The following CNTN3 variants were observed in gnomAD, a reference collection of about 807,000 sequenced individuals.
The protein encoded by CNTN3 is contactin 3.
CNTN3 carries 60 observed loss-of-function variants against 119.1 expected under a neutral mutation model. The observed-to-expected ratio is 0.50, with a 90% CI of 0.41 to 0.62. CNTN3 has a LOEUF of 0.62. Among genes scored for constraint, CNTN3 ranks in the 20% least tolerant of loss-of-function variants. CNTN3 has a pLI of 0.00. For synonymous variants in CNTN3, 450 were observed against 438.7 expected (o/e 1.03, Z -0.32); for missense variants, 1,101 against 1,242.4 (o/e 0.89, Z 1.71).
chr3:74,341,980 A>G (rs1703559601), intron 11 of CNTN3, among the ~76,000 whole-genome samples: 1 of 152,136 alleles, frequency 6.6e-6, no homozygotes, highest in African/African-American at 2.4e-5. Flanking sequence ...TTGCAATCAC[A>G]TGAGATCGTA....
At chr3:74,534,263 C>T (rs1249343732) in intron 1 of CNTN3, among the ~76,000 whole-genome samples, 1 of 151,882 alleles carries the variant, frequency 6.6e-6, no homozygotes, top group African/African-American at 2.4e-5. Context: ...CCCCTTATGC[C>T]CATCACCCAA....
chr3:74,291,385 G>A (rs1702227173), intron 19 of CNTN3, among the ~76,000 whole-genome samples: 1 of 152,168 alleles, frequency 6.6e-6, no homozygotes, highest in Admixed American at 6.5e-5. Flanking sequence ...CTTTATAGCA[G>A]CATAACTTGT....
intron 19 of CNTN3, among the ~76,000 whole-genome samples, chr3:74,292,462 AG>A (rs1254256031): frequency 6.6e-6 from 1 of 152,152 alleles, no homozygotes; most frequent in East Asian, 1.9e-4. Context: ...GCTACTAGAG[AG>A]GCTGAGGCAG....
At chr3:74,473,612 T>C (rs1314827361) in intron 4 of CNTN3, among the ~76,000 whole-genome samples, 5 of 152,210 alleles carry the variant, frequency 3.3e-5, no homozygotes, top group African/African-American at 1.2e-4. Context: ...ACTGCCAGTT[T>C]GTAGGAATGT....
At chr3:74,536,440 T>A (rs1202604088) in intron 1 of CNTN3, among the ~76,000 whole-genome samples, 2 of 152,104 alleles carry the variant, frequency 1.3e-5, no homozygotes, top group Non-Finnish European at 2.9e-5. Flanking sequence ...ACATTTCAGA[T>A]CACACAATAG....
chr3:74,459,488 G>T (rs573590407), intron 4 of CNTN3, among the ~76,000 whole-genome samples: 2 of 152,068 alleles, frequency 1.3e-5, no homozygotes, highest in African/African-American at 4.8e-5. Flanking sequence ...TTCTGAAGGG[G>T]TGCAAGATCT....
At chr3:74,371,925 T>C (rs1303549944) in intron 5 of CNTN3, among the ~76,000 whole-genome samples, 1 of 152,112 alleles carries the variant, frequency 6.6e-6, no homozygotes, top group African/African-American at 2.4e-5. Flanking sequence ...CTACAACTCC[T>C]GTTGTCTCTG....
chr3:74,308,631 G>C (rs1434486540), intron 13 of CNTN3, among the ~76,000 whole-genome samples: 1 of 149,578 alleles, frequency 6.7e-6, no homozygotes, highest in African/African-American at 2.5e-5. Context: ...TTTTTTTTCT[G>C]GCCAGTGCGA....
Position 74,307,638 on chromosome 3 carries a change from C to T in CNTN3, c.1669-4831G>A, listed in dbSNP as rs150682185. Among the ~76,000 whole-genome samples, 701 of 152,046 alleles carry T rather than the reference C, an allele frequency of 4.6e-3. 5 individuals are homozygous for T. The highest frequency in any genetic ancestry group is 0.016 in the African/African-American group (661 of 41,468). On this transcript the variant is annotated intron_variant, in intron 13 of 22. Transcript: ENST00000263665. ...ACACTACCTGATTTGATAACCCATA[C>T]CAGATAAAAATAAACAAGCAGAAAG...
chr3:74,469,950 C>A (rs1702530211), intron 4 of CNTN3, among the ~76,000 whole-genome samples: 1 of 152,122 alleles, frequency 6.6e-6, no homozygotes, highest in African/African-American at 2.4e-5. Context: ...GCAGAAACAA[C>A]CCTAATAATC....
At chr3:74,516,120 C>CG (rs1334746922) in intron 2 of CNTN3, among the ~76,000 whole-genome samples, 5 of 151,978 alleles carry the variant, frequency 3.3e-5, no homozygotes, top group African/African-American at 1.2e-4. Context: ...CTAGAAAAAG[C>CG]TCTACTGAGT....
intron 13 of CNTN3, 27 bp from the exon 14 acceptor site, chr3:74,302,834 ACT>A: frequency 7.1e-7 from 1 of 1,406,476 alleles, no homozygotes; most frequent in Non-Finnish European, 1.0e-6. Context: ...TAATGAATAC[ACT>A]GTTATTTTTT....
At chr3:74,325,512 T>TA (rs1029303768) in intron 13 of CNTN3, among the ~76,000 whole-genome samples, 1 of 152,032 alleles carries the variant, frequency 6.6e-6, no homozygotes, top group African/African-American at 2.4e-5. Flanking sequence ...GCAAAAATTT[T>TA]AAAAAAATGA....
chr3:74,444,042 T>G (rs1702008368), intron 4 of CNTN3, among the ~76,000 whole-genome samples: 1 of 152,128 alleles, frequency 6.6e-6, no homozygotes, highest in African/African-American at 2.4e-5. Flanking sequence ...CTGGCAAACT[T>G]TGGTGTTCCT....
chr3:74,571,486 C>T (rs960937189), intron 1 of CNTN3, among the ~76,000 whole-genome samples: 6 of 152,124 alleles, frequency 3.9e-5, no homozygotes, highest in African/African-American at 1.2e-4. Flanking sequence ...GATACGCTAC[C>T]TCTCATGACT....
chr3:74,488,105 A>G (rs1353686688), intron 3 of CNTN3, among the ~76,000 whole-genome samples: 2 of 151,356 alleles, frequency 1.3e-5, no homozygotes, highest in African/African-American at 4.8e-5. Flanking sequence ...TATGAAAATT[A>G]TAAACCTCAA....
intron 1 of CNTN3, among the ~76,000 whole-genome samples, chr3:74,554,399 G>A (rs1704039013): frequency 6.6e-6 from 1 of 152,052 alleles, no homozygotes; most frequent in Non-Finnish European, 1.5e-5. Flanking sequence ...TTGGCTATGG[G>A]GCTCTTTTTT....
intron 2 of CNTN3, among the ~76,000 whole-genome samples, chr3:74,512,226 T>C (rs558381687): frequency 1.3e-5 from 2 of 152,296 alleles, no homozygotes; most frequent in Non-Finnish European, 2.9e-5. Context: ...CAGTCTACTA[T>C]GGGATTTTAT....
intron 4 of CNTN3, among the ~76,000 whole-genome samples, chr3:74,453,727 G>C (rs1193101860): frequency 6.7e-6 from 1 of 150,110 alleles, no homozygotes; most frequent in African/African-American, 2.5e-5. Context: ...CTTTGTTCTC[G>C]TTGGTTTCAA....
Sources: gnomAD v4.1 joint callset for allele counts (sites outside exome capture counted in the v4.1 genomes callset) on GRCh38, gnomAD v4.1.1 for gene constraint, MANE v1.5 for transcripts, NCBI Gene and HGNC (gene_info 2026-07-23, HGNC 2026-07-21) for gene names.